Variants in RHOBTB1 observed in about 807,000 individuals in gnomAD.
The protein encoded by RHOBTB1 is rho-related BTB domain-containing protein 1.
In RHOBTB1, 40 loss-of-function variants were observed where a neutral mutation model predicts 71.6. The ratio of observed to expected loss-of-function variants is 0.56; its 90% CI spans 0.43 to 0.73. The LOEUF is 0.73. Among genes scored for constraint, RHOBTB1 ranks in the 30% least tolerant of loss-of-function variants. RHOBTB1 has a pLI of 0.00. For synonymous variants in RHOBTB1, 319 were observed against 334.9 expected, an observed-to-expected ratio of 0.95 and a Z score of 0.52; for missense variants, 797 against 894.0, an observed-to-expected ratio of 0.89 and a Z score of 1.38.
chr10:60,945,012 C>T (rs2085164614), upstream of RHOBTB1, among the ~76,000 whole-genome samples: 1 of 152,192 alleles, frequency 6.6e-6, no homozygotes, highest in Non-Finnish European at 1.5e-5. Context: ...AGAAACTTCT[C>T]TCTCTTCCAG....
At chr10:60,867,203 G>A (rs995387240), downstream of RHOBTB1, among the ~76,000 whole-genome samples, 2 of 152,086 alleles carry the variant, frequency 1.3e-5, no homozygotes, top group African/African-American at 2.4e-5. Flanking sequence ...AACCTTCCAG[G>A]GGAGTATCAC....
At chr10:60,924,576 T>C (rs1274156888) in intron 2 of RHOBTB1, among the ~76,000 whole-genome samples, 1 of 152,112 alleles carries the variant, frequency 6.6e-6, no homozygotes, top group Non-Finnish European at 1.5e-5. Context: ...ACCTTCAGCA[T>C]TGGAAAGATC....
At chr10:60,957,977 A>G (rs182036987) in intron 2 of RHOBTB1, among the ~76,000 whole-genome samples, 1 of 152,326 alleles carries the variant, frequency 6.6e-6, no homozygotes, top group Admixed American at 6.5e-5. Flanking sequence ...TGAAAAGTGG[A>G]ATGACTTACT....
At chr10:60,931,494 T>C (rs1393460243) in intron 2 of RHOBTB1, among the ~76,000 whole-genome samples, 5 of 152,318 alleles carry the variant, frequency 3.3e-5, no homozygotes, top group South Asian at 2.1e-4. Flanking sequence ...TTCATCCATA[T>C]TGTAGCACCT....
At chr10:60,922,242 T>C (rs1036454228) in intron 2 of RHOBTB1, among the ~76,000 whole-genome samples, 3 of 152,134 alleles carry the variant, frequency 2.0e-5, no homozygotes, top group Non-Finnish European at 4.4e-5. Context: ...ATATGGATAA[T>C]GATTTATAAC....
intron 4 of RHOBTB1, among the ~76,000 whole-genome samples, chr10:60,905,955 G>T (rs1207804143): frequency 6.6e-6 from 1 of 152,152 alleles, no homozygotes; most frequent in East Asian, 1.9e-4. Context: ...TGAGAATGGG[G>T]TGTGTTCATT....
chr10:60,883,024 G>A (rs533726772), intron 7 of RHOBTB1, among the ~76,000 whole-genome samples: 111 of 152,250 alleles, frequency 7.3e-4, no homozygotes, highest in African/African-American at 2.5e-3. Flanking sequence ...TGAGGAAACA[G>A]GTTTAGAGTG....
At chr10:60,894,122 TC>T (rs556641358) in intron 4 of RHOBTB1, among the ~76,000 whole-genome samples, 123 of 152,050 alleles carry the variant, frequency 8.1e-4, no homozygotes, top group African/African-American at 2.7e-3. Flanking sequence ...TTAATGAGCT[TC>T]CCCCCCTACA....
At position 60,910,988 on chromosome 10, in the gene RHOBTB1, G is replaced by A. The variant is rs563495806; in HGVS notation, c.195C>T (p.Val65=). 3 of 1,612,884 alleles carry A rather than the reference G, an allele frequency of 1.9e-6. No homozygotes were observed. The highest frequency in any genetic ancestry group is 1.7e-5 in the Admixed American group (1 of 60,022). The change falls in exon 4 of 11, where the codon GTC becomes GTT. Residue 65 remains valine (V), a splice_region_variant and synonymous_variant. Transcript: ENST00000337910. ...AIDQYRVCQE[V]LERSRDVVDE... ...CAACAACATCCCGAGAACGCTCCAA[G>A]ACCTGCAGGAGAGAGAGAGAGCATC...
At chr10:60,940,831 A>G (rs893793004) in intron 2 of RHOBTB1, among the ~76,000 whole-genome samples, 1 of 152,192 alleles carries the variant, frequency 6.6e-6, no homozygotes, top group African/African-American at 2.4e-5. Context: ...AAAATGCTGA[A>G]CTTCTCATAA....
chr10:60,905,449 CAAAAAAAAAAA>C (rs35538782), intron 4 of RHOBTB1, among the ~76,000 whole-genome samples: 2 of 48,974 alleles, frequency 4.1e-5, no homozygotes, highest in Non-Finnish European at 7.7e-5. Flanking sequence ...GACTCTTTCT[CAAAAAAAAAAA>C]AAAAAAAAAA....
intron 2 of RHOBTB1, among the ~76,000 whole-genome samples, chr10:60,938,387 C>T (rs1380859627): frequency 6.6e-6 from 1 of 152,186 alleles, no homozygotes; most frequent in African/African-American, 2.4e-5. Context: ...TCAGTTCAGA[C>T]TGTGTCACTT....
At chr10:60,996,358 C>CT (rs1056723756) in intron 1 of RHOBTB1, among the ~76,000 whole-genome samples, 3 of 152,128 alleles carry the variant, frequency 2.0e-5, no homozygotes, top group African/African-American at 4.8e-5. Flanking sequence ...AATCTGCCTC[C>CT]TTTCAAAGCT....
At chr10:60,906,500 G>C (rs1450794611) in intron 4 of RHOBTB1, among the ~76,000 whole-genome samples, 2 of 152,226 alleles carry the variant, frequency 1.3e-5, no homozygotes, top group Admixed American at 1.3e-4. Context: ...CAGCATGGTG[G>C]ATGGGGAAGA....
chr10:60,987,657 G>A (rs901691694), intron 1 of RHOBTB1, among the ~76,000 whole-genome samples: 3 of 152,068 alleles, frequency 2.0e-5, no homozygotes, highest in Admixed American at 6.6e-5. Flanking sequence ...GGTGCTTCTA[G>A]TCTTTTTCTT....
intron 2 of RHOBTB1, among the ~76,000 whole-genome samples, chr10:60,926,864 TA>T (rs1349812416): frequency 6.6e-6 from 1 of 152,150 alleles, no homozygotes; most frequent in Non-Finnish European, 1.5e-5. Context: ...AACATAATAC[TA>T]GAAATTCTAG....
intron 1 of RHOBTB1, among the ~76,000 whole-genome samples, chr10:60,994,811 T>C (rs1209033391): frequency 6.6e-6 from 1 of 152,022 alleles, no homozygotes; most frequent in Non-Finnish European, 1.5e-5. Flanking sequence ...ATCTCATAAG[T>C]TTATGAGCCA....
Position 60,944,085 on chromosome 10 carries a change from C to T in RHOBTB1, c.-176G>A, listed in dbSNP as rs917297841. The stretch of plus-strand genomic sequence containing the variant: ...CGCGCGGTCGCGGGTGTGCGGGGCC[C>T]CTGCGCGCGGCGCGCCGCCCGCCGC... On this transcript the variant is annotated 5_prime_UTR_variant, in exon 1 of 11. Coordinates refer to ENST00000337910, the MANE Select transcript of RHOBTB1 (RefSeq NM_014836.5). 11 of 151,778 alleles carry T rather than the reference C, an allele frequency of 7.2e-5. No homozygotes were observed. Among genetic ancestry groups the T allele is most frequent in the African/African-American group, 2.7e-4 (11 of 41,482 alleles). The allele number at this position is 151,778 out of a possible 1,614,324, so 9.4% of individuals were successfully genotyped here.
intron 2 of RHOBTB1, among the ~76,000 whole-genome samples, chr10:60,922,189 G>A (rs953514770): frequency 2.6e-5 from 4 of 151,968 alleles, no homozygotes; most frequent in East Asian, 1.9e-4. Flanking sequence ...TCACTACTTC[G>A]CTGGAAAAGA....
Sources: allele counts gnomAD v4.1 joint callset (sites outside exome capture counted in the v4.1 genomes callset), GRCh38; gene constraint gnomAD v4.1.1; transcripts MANE v1.5; gene names NCBI Gene and HGNC (gene_info 2026-07-23, HGNC 2026-07-21).